The following GYG1 variants were observed in gnomAD, a reference collection of about 807,000 sequenced individuals.
GYG1 encodes the protein glycogenin 1, also known as glycogenin-1.
GYG1 carries 44 observed loss-of-function variants against 41.9 expected under a neutral mutation model. The ratio of observed to expected loss-of-function variants is 1.05; its 90% CI spans 0.83 to 1.35. The LOEUF is 1.35. Among genes scored for constraint, GYG1 ranks in the 40% most tolerant of loss-of-function variants. GYG1 has a pLI of 0.00. For synonymous variants in GYG1, 141 were observed against 158.1 expected (o/e 0.89, Z 0.81); for missense variants, 429 against 418.9 (o/e 1.02, Z -0.21).
intron 1 of GYG1, among the ~76,000 whole-genome samples, chr3:148,992,208 C>T (rs1272856862): frequency 6.6e-6 from 1 of 152,262 alleles, no homozygotes; most frequent in African/African-American, 2.4e-5. Context: ...CTAGCGTCCC[C>T]GGGCGCGAGC....
chr3:149,013,309 T>C (rs1270986485), intron 5 of GYG1, among the ~76,000 whole-genome samples: 2 of 152,228 alleles, frequency 1.3e-5, no homozygotes, highest in Non-Finnish European at 2.9e-5. Context: ...GGTTTGTGCA[T>C]AGCACTGCAA....
In GYG1 at chr3:148,991,552, C is replaced by G; in HGVS notation, c.-89C>G. The G allele has an allele frequency of 2.6e-6, 4 of 1,514,382 alleles. No individual in the cohort carries two copies. The highest frequency in any genetic ancestry group is 3.5e-6 in the Non-Finnish European group (4 of 1,130,778). 93.8% of individuals were successfully genotyped at this position (1,514,382 alleles called of 1,614,324 possible). On this transcript the variant is annotated 5_prime_UTR_variant, in exon 1 of 8. Coordinates refer to ENST00000345003, the MANE Select transcript of GYG1 (RefSeq NM_004130.4). Reference sequence around the variant, plus strand: ...GCAGACGCTCGGTTCCCCGCCGTGCCTCCTCGCTGGCCGCGCTCCCTCCCG... The same window carrying G: ...GCAGACGCTCGGTTCCCCGCCGTGCGTCCTCGCTGGCCGCGCTCCCTCCCG...
intron 5 of GYG1, 96 bp downstream of exon 5, chr3:149,009,498 T>C (rs1349678768): frequency 2.0e-5 from 24 of 1,183,774 alleles, no homozygotes; most frequent in Non-Finnish European, 2.9e-5. Context: ...CCGAGGGAAA[T>C]AACAGATAGA....
At position 149,022,325 on chromosome 3, in the gene GYG1, T is replaced by G. The variant is rs564322330; in HGVS notation, c.609-1728T>G. On this transcript the variant is annotated intron_variant, in intron 5 of 7. Coordinates refer to ENST00000345003, the MANE Select transcript of GYG1 (RefSeq NM_004130.4). ...AAGAATACATATTTTAAAATGTGCATTGTTTAAAAATACCACCCAAGTTAA... is the reference window on the plus strand; with the variant it reads ...AAGAATACATATTTTAAAATGTGCAGTGTTTAAAAATACCACCCAAGTTAA... Among the ~76,000 whole-genome samples, 107 of 152,178 alleles carry G rather than the reference T, an allele frequency of 7.0e-4. 1 individual carries two copies. The highest frequency in any genetic ancestry group is 2.5e-3 in the African/African-American group (105 of 41,502).
intron 4 of GYG1, chr3:149,001,703 GTC>G (rs1233966472): frequency 6.6e-6 from 1 of 152,314 alleles, no homozygotes; most frequent in Non-Finnish European, 1.5e-5. Context: ...CTTGCCTGAT[GTC>G]TCTGAGCTAG....
At position 149,030,302 on chromosome 3, in the gene GYG1, T is replaced by C. The variant is rs1260831362; in HGVS notation, c.*3369T>C. On this transcript the variant is annotated 3_prime_UTR_variant, in exon 8 of 8. Coordinates refer to ENST00000345003, the MANE Select transcript of GYG1 (RefSeq NM_004130.4). ...TTTTCATTCCAGTGGCTTTTTTATA[T>C]ATTTATCCTTCTTAGGAAGGACAAA... 7 of 152,114 alleles carry C rather than the reference T, an allele frequency of 4.6e-5. No homozygotes were observed. The allele number at this position is 152,114 out of a possible 1,614,324, so 9.4% of individuals were successfully genotyped here. A position where few individuals can be genotyped will look rare whatever the true frequency, so the allele number is the denominator to read the frequency against.
In GYG1 at chr3:149,022,696, A is replaced by T. The variant is rs548552167; in HGVS notation, c.609-1357A>T. Among the ~76,000 whole-genome samples the T allele has an allele frequency of 1.9e-3, 293 of 151,610 alleles. 2 individuals carry two copies. Among genetic ancestry groups the T allele is most frequent in the African/African-American group, 6.8e-3 (282 of 41,320 alleles). On this transcript the variant is annotated intron_variant, in intron 5 of 7. Coordinates refer to ENST00000345003, the MANE Select transcript of GYG1 (RefSeq NM_004130.4). ...TTATTAGTAGAGACAGGGTTTCACC[A>T]TGTTGGCCAGGATGGTCTCCATCTC... is the stretch of plus-strand genomic sequence containing the variant.
chr3:149,010,222 G>A (rs2107904033), intron 5 of GYG1, among the ~76,000 whole-genome samples: 1 of 152,284 alleles, frequency 6.6e-6, no homozygotes, highest in South Asian at 2.1e-4. Context: ...CTACCTCATA[G>A]GGTTGTCAGG....
intron 2 of GYG1, 113 bp downstream of exon 2, chr3:148,994,390 G>C: frequency 9.1e-7 from 1 of 1,103,818 alleles, no homozygotes; most frequent in Admixed American, 1.7e-5. Context: ...GCACCGGGTA[G>C]AGAAAAATGA....
At chr3:149,013,979 G>A (rs899557006) in intron 5 of GYG1, among the ~76,000 whole-genome samples, 2 of 152,214 alleles carry the variant, frequency 1.3e-5, no homozygotes, top group African/African-American at 2.4e-5. Context: ...AACCTGGAGC[G>A]TGTACCTTGT....
At chr3:148,995,520 C>T (rs988587264) in intron 2 of GYG1, among the ~76,000 whole-genome samples, 9 of 152,236 alleles carry the variant, frequency 5.9e-5, no homozygotes, top group Admixed American at 3.9e-4. Context: ...TGTGTGTGCC[C>T]TAATTTGTAG....
chr3:149,013,737 T>C (rs900702923), intron 5 of GYG1, among the ~76,000 whole-genome samples: 7 of 152,242 alleles, frequency 4.6e-5, no homozygotes, highest in Non-Finnish European at 1.0e-4. Flanking sequence ...TTCAGTGTTG[T>C]GAATTCTATC....
rs958365017 is a variant in GYG1 at position 149,027,148 on chromosome 3, T to C, written c.*215T>C. 5.3e-6 allele frequency: 3 copies of C among 562,034 alleles called. No individual in the cohort carries two copies. The highest frequency in any genetic ancestry group is 6.2e-5 in the Admixed American group (2 of 32,266). The allele number at this position is 562,034 out of a possible 1,614,324, so 34.8% of individuals were successfully genotyped here. The stretch of plus-strand genomic sequence containing the variant: ...TGGACAGTGTTCTGCTTTTTAATCC[T>C]ATTTAGCTTGTTTCAGAAATTCTCA... On this transcript the variant is annotated 3_prime_UTR_variant, in exon 8 of 8. Transcript: ENST00000345003.
chr3:149,005,395 G>A (rs1248923956), intron 4 of GYG1, among the ~76,000 whole-genome samples: 7 of 152,066 alleles, frequency 4.6e-5, no homozygotes, highest in Non-Finnish European at 1.0e-4. Flanking sequence ...TAATATAAAT[G>A]TTAATTAATG....
rs1198772501 is a variant in GYG1, at chr3:149,030,599, G to A, written c.*3666G>A. The A allele has an allele frequency of 2.0e-5, 3 of 152,162 alleles. No homozygotes were observed. The highest frequency in any genetic ancestry group is 2.0e-4 in the Admixed American group (3 of 15,280). 9.4% of individuals were successfully genotyped at this position (152,162 alleles called of 1,614,324 possible). A position where few individuals can be genotyped will look rare whatever the true frequency, so the allele number is the denominator to read the frequency against. ...TCTCACTGAAGTATTGCTATATGGAGAACCCATACTCTGATCAACTTGATT... is the reference window on the plus strand; with the variant it reads ...TCTCACTGAAGTATTGCTATATGGAAAACCCATACTCTGATCAACTTGATT... On this transcript the variant is annotated 3_prime_UTR_variant, in exon 8 of 8. Transcript: ENST00000345003.
chr3:148,994,348 G>A, intron 2 of GYG1, 71 bp downstream of exon 2: 1 of 1,486,290 alleles, frequency 6.7e-7, no homozygotes, highest in Non-Finnish European at 9.4e-7. Context: ...GACATCATTG[G>A]ACATTGAGGC....
At chr3:149,021,520 T>C (rs1714374002) in intron 5 of GYG1, among the ~76,000 whole-genome samples, 1 of 152,200 alleles carries the variant, frequency 6.6e-6, no homozygotes, top group South Asian at 2.1e-4. Context: ...GCATGCTTTT[T>C]GGAGCAGCAG....
chr3:149,000,121 C>G (rs1713010210), intron 4 of GYG1, among the ~76,000 whole-genome samples: 1 of 152,234 alleles, frequency 6.6e-6, no homozygotes. Flanking sequence ...CTCTCCACCT[C>G]TCTATTCTGT....
chr3:149,016,065 G>A (rs113292946), intron 5 of GYG1, among the ~76,000 whole-genome samples: 3,846 of 151,720 alleles, frequency 0.025, 174 homozygotes, highest in African/African-American at 0.087. Context: ...GATCGAGACC[G>A]TCCTGGCTAA....
Sources: gnomAD v4.1 joint callset for allele counts (sites outside exome capture counted in the v4.1 genomes callset) on GRCh38, gnomAD v4.1.1 for gene constraint, MANE v1.5 for transcripts, NCBI Gene and HGNC (gene_info 2026-07-23, HGNC 2026-07-21) for gene names.